Variants in TRAK1 observed in about 807,000 individuals in gnomAD.
TRAK1 encodes the protein trafficking kinesin protein 1, also known as trafficking kinesin-binding protein 1.
In TRAK1, 33 loss-of-function variants were observed where a neutral mutation model predicts 92.1. The observed-to-expected ratio is 0.36, with a 90% CI of 0.27 to 0.48. The LOEUF (loss-of-function observed/expected upper bound fraction) is 0.48, where lower values mean the gene tolerates loss of function less well. Ranked by LOEUF, TRAK1 falls within the 20% of genes least tolerant of loss-of-function variation. The pLI is 0.99. For missense variants in TRAK1, 1,123 were observed against 1,257.9 expected (o/e 0.89, Z 1.62); for synonymous variants, 521 against 517.3 (o/e 1.01, Z -0.10).
chr3:42,219,810 TTTTGA>T (rs1710155323), intron 15 of TRAK1, among the ~76,000 whole-genome samples: 1 of 147,076 alleles, frequency 6.8e-6, no homozygotes, highest in African/African-American at 2.5e-5. Context: ...TTTTTTTTTT[TTTTGA>T]GGCAGAGTTT....
At chr3:42,013,205 C>T (rs1442521512), upstream of TRAK1, among the ~76,000 whole-genome samples, 2 of 152,216 alleles carry the variant, frequency 1.3e-5, no homozygotes, top group African/African-American at 4.8e-5. The surrounding 1 kb of genome is among the most constrained non-coding windows in gnomAD (Gnocchi z 5.1). Context: ...CGGCTCCATC[C>T]TCCCTCCATT....
intron 1 of TRAK1, among the ~76,000 whole-genome samples, chr3:42,104,358 G>T (rs1389978872): frequency 1.3e-5 from 2 of 152,206 alleles, no homozygotes; most frequent in African/African-American, 4.8e-5. Flanking sequence ...GGTTCTCCCG[G>T]CATGGAGTTT....
chr3:42,145,222 C>A (rs866802679), intron 2 of TRAK1, among the ~76,000 whole-genome samples: 4 of 152,198 alleles, frequency 2.6e-5, no homozygotes, highest in Admixed American at 6.5e-5. Context: ...TGGTGGCCCA[C>A]GCCTGTAATT....
intron 1 of TRAK1, among the ~76,000 whole-genome samples, chr3:42,081,831 T>C (rs1230247410): frequency 6.6e-6 from 1 of 152,258 alleles, no homozygotes; most frequent in East Asian, 1.9e-4. Flanking sequence ...ATAAGTGCCT[T>C]ACATTTTACA....
At chr3:42,192,437 G>A (rs1466206583) in intron 7 of TRAK1, among the ~76,000 whole-genome samples, 10 of 152,226 alleles carry the variant, frequency 6.6e-5, no homozygotes, top group Admixed American at 3.9e-4. Context: ...TTTGCATTTC[G>A]TCAAAGTACT....
At position 42,092,719 on chromosome 3, in the gene TRAK1, T is replaced by TTATGTTATGA. The variant is rs1253535166; in HGVS notation, c.91+1168_91+1169insATATGTTATG. ...TTGTGTTGTGTTGTGTTGTGTTATG[T>TTATGTTATGA]TATGTTATGTTATGTTATGTTATGT... On this transcript the variant is annotated intron_variant, in intron 1 of 15. Coordinates refer to ENST00000327628, the MANE Select transcript of TRAK1 (RefSeq NM_001042646.3). 2.1e-3 allele frequency among the ~76,000 whole-genome samples: 275 copies of TTATGTTATGA among 130,534 alleles called. 3 individuals are homozygous for TTATGTTATGA. Among genetic ancestry groups the TTATGTTATGA allele is most frequent in the African/African-American group, 6.8e-3 (252 of 37,180 alleles). The allele number at this position is 130,534 out of a possible 152,430, so 85.6% of individuals were successfully genotyped here. A position where few individuals can be genotyped will look rare whatever the true frequency, so the allele number is the denominator to read the frequency against.
At chr3:42,098,992 G>A (rs1462358166) in intron 1 of TRAK1, among the ~76,000 whole-genome samples, 1 of 151,932 alleles carries the variant, frequency 6.6e-6, no homozygotes, top group African/African-American at 2.4e-5. Context: ...AGGGGCTGGG[G>A]GTCTCCATGG....
chr3:42,063,342 C>T (rs1703531258), intron 1 of TRAK1, among the ~76,000 whole-genome samples: 1 of 152,242 alleles, frequency 6.6e-6, no homozygotes, highest in Non-Finnish European at 1.5e-5. Flanking sequence ...GTACATTCCC[C>T]ACTGCCCCTG....
At position 42,189,105 on chromosome 3, in the gene TRAK1, A is replaced by G; in HGVS notation, c.671A>G (p.Asn224Ser). The stretch of plus-strand genomic sequence containing the variant: ...AAGCTGAAAGACCTTGAAGAGGAGA[A>G]TGTTGTACTTCGATCCGAGGTGATG... ...QKKLKDLEEE[N>S]VVLRSEASQL... The change falls in exon 6 of 16, where the codon AAT becomes AGT. Residue 224 changes from asparagine to serine, a missense_variant. By Grantham distance (46) the Asn-to-Ser change is conservative. This residue lies in a region of TRAK1 where 686 missense variants were observed against 747.6 expected (regional missense o/e 0.92). Coordinates refer to ENST00000327628, the MANE Select transcript of TRAK1 (RefSeq NM_001042646.3). 1 of 1,613,878 alleles carries G rather than the reference A, an allele frequency of 6.2e-7. No homozygotes were observed. The highest frequency in any genetic ancestry group is 8.5e-7 in the Non-Finnish European group (1 of 1,179,710).
intron 2 of TRAK1, among the ~76,000 whole-genome samples, chr3:42,154,026 C>T (rs1223925534): frequency 6.6e-6 from 1 of 152,146 alleles, no homozygotes; most frequent in Admixed American, 6.5e-5. Flanking sequence ...TTTATTATCA[C>T]TGGCTATAGT....
At chr3:42,013,168 C>CA (rs1701373302), upstream of TRAK1, among the ~76,000 whole-genome samples, 1 of 152,188 alleles carries the variant, frequency 6.6e-6, no homozygotes, top group Admixed American at 6.5e-5. The surrounding 1 kb of genome is among the most constrained non-coding windows in gnomAD (Gnocchi z 5.1). Flanking sequence ...CAGCCAGTTC[C>CA]ATCCCCTCCA....
intron 4 of TRAK1, among the ~76,000 whole-genome samples, chr3:42,187,073 T>C (rs1199751541): frequency 6.6e-6 from 1 of 152,204 alleles, no homozygotes; most frequent in Non-Finnish European, 1.5e-5. Context: ...TAAGTACAAA[T>C]CAGGGTGATT....
At chr3:42,149,329 C>G in intron 2 of TRAK1, 1 of 1,429,598 alleles carries the variant, frequency 7.0e-7, no homozygotes, top group Non-Finnish European at 9.1e-7. Flanking sequence ...TCCTCCTACT[C>G]CCTCCTTCCC....
chr3:42,134,192 CTCCCCT>C (rs1222663440), intron 2 of TRAK1, among the ~76,000 whole-genome samples: 17 of 110,896 alleles, frequency 1.5e-4, no homozygotes, highest in South Asian at 4.4e-4. Flanking sequence ...CCCCTTCCCC[CTCCCCT>C]TCCCCTTCCC....
chr3:42,114,788 C>T (rs1325944391), intron 1 of TRAK1, among the ~76,000 whole-genome samples: 1 of 152,150 alleles, frequency 6.6e-6, no homozygotes, highest in Non-Finnish European at 1.5e-5. Flanking sequence ...TCTCAGCTCA[C>T]TGCAACCTCT....
At chr3:42,049,441 ATTAT>A (rs1313454718) in intron 1 of TRAK1, among the ~76,000 whole-genome samples, 3 of 151,786 alleles carry the variant, frequency 2.0e-5, no homozygotes, top group African/African-American at 4.8e-5. Context: ...ATTTTTTAAA[ATTAT>A]TTATTTATTT....
intron 2 of TRAK1, among the ~76,000 whole-genome samples, chr3:42,171,253 A>T (rs1421014271): frequency 6.6e-6 from 1 of 152,140 alleles, no homozygotes; most frequent in Non-Finnish European, 1.5e-5. Context: ...TGCCAGAGAT[A>T]TGTAGAGCTG....
intron 14 of TRAK1, chr3:42,210,205 G>C: frequency 6.4e-7 from 1 of 1,556,824 alleles, no homozygotes; most frequent in Non-Finnish European, 8.7e-7. Context: ...TCTGTTCCAG[G>C]CACCATCCGT....
intron 1 of TRAK1, among the ~76,000 whole-genome samples, chr3:42,021,801 C>T (rs1006166791): frequency 2.0e-5 from 3 of 152,068 alleles, no homozygotes; most frequent in African/African-American, 4.8e-5. Context: ...GTCTCGAACT[C>T]CTGGTCAGTT....
Sources: allele counts gnomAD v4.1 joint callset (sites outside exome capture counted in the v4.1 genomes callset), GRCh38; gene constraint gnomAD v4.1.1; regional missense constraint gnomAD v4.1.1; non-coding constraint Gnocchi (gnomAD v3.1); transcripts MANE v1.5; gene names NCBI Gene and HGNC (gene_info 2026-07-23, HGNC 2026-07-21).